ADAMTS13: variants seen among roughly 807,000 people sequenced by gnomAD.
ADAMTS13 encodes ADAM metallopeptidase with thrombospondin type 1 motif 13.
In ADAMTS13, 110 loss-of-function variants were observed where a neutral mutation model predicts 155.1. That is an observed-to-expected ratio of 0.71 (90% CI 0.61 to 0.83). ADAMTS13 has a LOEUF of 0.83. ADAMTS13 is among the 40% of genes least tolerant of loss of function. The pLI is 0.00. For missense variants in ADAMTS13, 1,707 were observed against 1,891.7 expected, an observed-to-expected ratio of 0.90 and a Z score of 1.81; for synonymous variants, 758 against 756.4, an observed-to-expected ratio of 1.00 and a Z score of -0.03.
chr9:133,454,549 G>C lies in ADAMTS13; in HGVS notation c.3179G>C (p.Arg1060Pro). The C allele has an allele frequency of 6.2e-7, 1 of 1,608,790 alleles. No homozygotes were observed. The highest frequency in any genetic ancestry group is 8.5e-7 in the Non-Finnish European group (1 of 1,179,888). The change falls in exon 24 of 29, where the codon CGG (arginine) becomes CCG (proline). Residue 1060 changes from arginine (R) to proline (P), a missense_variant. This residue lies in a region of ADAMTS13 where 961 missense variants were observed against 1,107.9 expected (regional missense o/e 0.87). Coordinates refer to ENST00000355699, the MANE Select transcript of ADAMTS13 (RefSeq NM_139027.6). Reference protein sequence around the residue: ...VDEAACAALVRPEASVPCLIA... With the variant: ...VDEAACAALVPPEASVPCLIA... ...GAGGCGGCCTGTGCGGCGCTGGTGC[G>C]GCCCGAGGCCAGTGTCCCCTGTCTC...
Position 133,441,731 on chromosome 9 carries a change from C to T in ADAMTS13, c.1969-668C>T, listed in dbSNP as rs1554790817. Among the ~76,000 whole-genome samples the T allele has an allele frequency of 6.6e-6, 1 of 152,142 alleles. No homozygotes were observed. The highest frequency in any genetic ancestry group is 6.5e-5 in the Admixed American group (1 of 15,278). On this transcript the variant is annotated intron_variant, in intron 16 of 28. Transcript: ENST00000355699. The surrounding 1 kb of genome is among the most constrained non-coding windows in gnomAD (Gnocchi z 5.0). ...CCCAAGCCAGTAGCTGGCCACAGGT[C>T]CCCAGGGATCCAGTTTCTTCCTGCC...
chr9:133,444,828 G>A (rs782196916), intron 19 of ADAMTS13, 35 bp from the exon 20 acceptor site: 1 of 1,609,150 alleles, frequency 6.2e-7, no homozygotes, highest in South Asian at 1.1e-5. Context: ...GGGTGGCAGA[G>A]GCAGGGCCTG....
Position 133,445,420 on chromosome 9 carries a change from G to A in ADAMTS13, c.2611-279G>A, listed in dbSNP as rs2130891800. Among the ~76,000 whole-genome samples, 1 of 152,290 alleles carries A rather than the reference G, an allele frequency of 6.6e-6. No individual in the cohort carries two copies. The highest frequency in any genetic ancestry group is 1.9e-4 in the East Asian group (1 of 5,168). On this transcript the variant is annotated intron_variant, in intron 20 of 28. Coordinates refer to ENST00000355699, the MANE Select transcript of ADAMTS13 (RefSeq NM_139027.6). The surrounding 1 kb of genome is among the most constrained non-coding windows in gnomAD (Gnocchi z 5.0). Reference sequence around the variant, plus strand: ...CCCCTCATGGCTGGGGGGATTGCAGGGCCAGGCATGCTCCCATGTCCCACT... The same window carrying A: ...CCCCTCATGGCTGGGGGGATTGCAGAGCCAGGCATGCTCCCATGTCCCACT...
At chr9:133,417,940 C>A (rs926854478), upstream of ADAMTS13, 9 of 1,145,036 alleles carry the variant, frequency 7.9e-6, no homozygotes, top group Admixed American at 2.7e-5. Flanking sequence ...CCAGGCCAGG[C>A]CGAAACACAC....
At chr9:133,442,041 T>C (rs1349852728) in intron 16 of ADAMTS13, among the ~76,000 whole-genome samples, 1 of 152,198 alleles carries the variant, frequency 6.6e-6, no homozygotes, top group Non-Finnish European at 1.5e-5. Context: ...TCCTTGCAGC[T>C]CAGCCAGTGT....
At position 133,432,705 on chromosome 9, in the gene ADAMTS13, A is replaced by G. The variant is rs1554787844; in HGVS notation, c.1092+13A>G. ...TGGCGTGGAGAAGGTCAGAGCCAAG[A>G]GTGAATGAGTGGGCTCCTGTGAGCA... is the stretch of plus-strand genomic sequence containing the variant. On this transcript the variant is annotated intron_variant, in intron 9 of 28. Coordinates refer to ENST00000355699, the MANE Select transcript of ADAMTS13 (RefSeq NM_139027.6). The G allele has an allele frequency of 6.4e-7, 1 of 1,551,290 alleles. No individual in the cohort carries two copies. The highest frequency in any genetic ancestry group is 1.4e-5 in the African/African-American group (1 of 73,494).
chr9:133,448,539 G>T, intron 21 of ADAMTS13, 60 bp from the exon 22 acceptor site: 1 of 1,600,972 alleles, frequency 6.2e-7, no homozygotes. Context: ...AGTGAGCCTG[G>T]GCTGCAGTCC....
exon 1 of ADAMTS13, chr9:133,414,622 T>C: frequency 6.4e-7 from 1 of 1,572,972 alleles, no homozygotes; most frequent in Non-Finnish European, 8.8e-7. Flanking sequence ...CTTGGTGAAG[T>C]CGCTGTGCCT....
intron 7 of ADAMTS13, among the ~76,000 whole-genome samples, chr9:133,429,006 C>T (rs1275370396): frequency 2.0e-5 from 3 of 148,998 alleles, no homozygotes; most frequent in Non-Finnish European, 4.5e-5. Flanking sequence ...TCCCTACGTC[C>T]GTCCCCACCT....
chr9:133,417,423 TTC>T (rs1839713551), upstream of ADAMTS13, among the ~76,000 whole-genome samples: 1 of 152,250 alleles, frequency 6.6e-6, no homozygotes, highest in Admixed American at 6.5e-5. Flanking sequence ...CTTGAAATAA[TTC>T]TTTCATCAAT....
intron 2 of ADAMTS13, among the ~76,000 whole-genome samples, chr9:133,423,629 C>T (rs944839113): frequency 3.3e-5 from 5 of 152,350 alleles, no homozygotes; most frequent in Admixed American, 2.6e-4. Context: ...CGGTGCGAGC[C>T]CCCTTCCCAG....
rs200594025 is a variant in ADAMTS13, at chr9:133,426,053, A to G, written c.530A>G (p.Tyr177Cys). 6.2e-7 allele frequency: 1 copy of G among 1,613,964 alleles called. No individual in the cohort carries two copies. The highest frequency in any genetic ancestry group is 2.2e-5 in the East Asian group (1 of 44,872). Residue 177 changes from tyrosine (Y) to cysteine (C), a missense_variant, in exon 5 of 29, where the codon TAT becomes TGT. Tyr to Cys is a radical substitution (Grantham distance 194). Transcript: ENST00000355699. ...TDPGHADLVL[Y>C]ITRFDLELPD... is the part of the protein sequence containing the mutation. ...CCTGGCCATGCTGACCTGGTCCTCT[A>G]TATCACTAGGTAGCCGAGCTTTCTG...
upstream of ADAMTS13, chr9:133,417,575 G>A: frequency 6.3e-7 from 1 of 1,591,874 alleles, no homozygotes; most frequent in Non-Finnish European, 8.6e-7. Context: ...GCGTTCTGCG[G>A]GAATGAGCTG....
chr9:133,434,106 T>A (rs112482106), intron 11 of ADAMTS13, among the ~76,000 whole-genome samples: 3,576 of 150,286 alleles, frequency 0.024, 111 homozygotes, highest in African/African-American at 0.076. Context: ...AAAAAAAAAA[T>A]AAAAATTAAA....
At position 133,445,361 on chromosome 9, in the gene ADAMTS13, C is replaced by T. The variant is rs995659343; in HGVS notation, c.2610+309C>T. On this transcript the variant is annotated intron_variant, in intron 20 of 28. Coordinates refer to ENST00000355699, the MANE Select transcript of ADAMTS13 (RefSeq NM_139027.6). The surrounding 1 kb of genome is among the most constrained non-coding windows in gnomAD (Gnocchi z 5.0). ...CGTCCAGGGGCTGGAGGCTGACTGG[C>T]CTTGCTCTCTGGCCTGGGTGCTGGC... Among the ~76,000 whole-genome samples the T allele has an allele frequency of 2.0e-5, 3 of 152,158 alleles. No individual in the cohort carries two copies. Among genetic ancestry groups the T allele is most frequent in the African/African-American group, 7.2e-5 (3 of 41,442 alleles).
intron 22 of ADAMTS13, among the ~76,000 whole-genome samples, chr9:133,449,464 C>T (rs1842291481): frequency 6.6e-6 from 1 of 152,010 alleles, no homozygotes; most frequent in South Asian, 2.1e-4. Flanking sequence ...GGCTCCAGGG[C>T]GGTGGTGCTG....
upstream of ADAMTS13, among the ~76,000 whole-genome samples, chr9:133,421,256 ACT>A (rs1288663561): frequency 5.3e-5 from 8 of 152,124 alleles, no homozygotes; most frequent in Admixed American, 1.3e-4. Context: ...ACACAGCAAG[ACT>A]CTGTCTCAAA....
intron 6 of ADAMTS13, among the ~76,000 whole-genome samples, chr9:133,426,960 C>T (rs587608914): frequency 2.2e-4 from 33 of 152,256 alleles, no homozygotes; most frequent in African/African-American, 5.5e-4. Context: ...TGTGCCACCA[C>T]GCCCAGCTAA....
In ADAMTS13 at chr9:133,437,876, G is replaced by C. The variant is rs1221199209; in HGVS notation, c.1563G>C (p.Leu521=). 6.2e-7 allele frequency: 1 copy of C among 1,613,638 alleles called. No homozygotes were observed. Among genetic ancestry groups the C allele is most frequent in the African/African-American group, 1.3e-5 (1 of 74,932 alleles). The change falls in exon 13 of 29, where the codon CTG becomes CTC. Residue 521 remains leucine (L), a synonymous_variant. Coordinates refer to ENST00000355699, the MANE Select transcript of ADAMTS13 (RefSeq NM_139027.6). ...SGPREDGTLS[L]CVSGSCRTFG... ...CCCGGGAGGACGGGACCCTGAGCCT[G>C]TGTGTGTCGGGCAGCTGCAGGGTAG...
Sources: gnomAD v4.1 joint callset for allele counts (sites outside exome capture counted in the v4.1 genomes callset) on GRCh38, gnomAD v4.1.1 for gene constraint, gnomAD v4.1.1 regional missense constraint, Gnocchi (gnomAD v3.1) non-coding constraint, MANE v1.5 for transcripts, NCBI Gene and HGNC (gene_info 2026-07-23, HGNC 2026-07-21) for gene names.